NAV3: variants seen among roughly 807,000 people sequenced by gnomAD.
NAV3 encodes pore membrane and/or filament interacting like protein 1.
Under a neutral mutation model 244.7 loss-of-function variants are expected in NAV3, and 87 were observed. The ratio of observed to expected loss-of-function variants is 0.36; its 90% confidence interval spans 0.30 to 0.42. The LOEUF (loss-of-function observed/expected upper bound fraction) is 0.42. NAV3 is among the 20% of genes least tolerant of loss of function. The pLI, the probability that NAV3 is intolerant of heterozygous loss-of-function variation, is 1.00. For missense variants in NAV3, 2,663 were observed against 2,893.3 expected (o/e 0.92, Z 1.83); for synonymous variants, 1,126 against 1,042.2 (o/e 1.08, Z -1.55).
chr12:77,980,236 A>G (rs1869320521), intron 5 of NAV3, among the ~76,000 whole-genome samples: 1 of 152,162 alleles, frequency 6.6e-6, no homozygotes, highest in South Asian at 2.1e-4. Flanking sequence ...GGAGGGGTCA[A>G]TTTCTATGTT....
intron 2 of NAV3, among the ~76,000 whole-genome samples, chr12:77,667,803 G>A (rs1389282039): frequency 6.6e-6 from 1 of 152,132 alleles, no homozygotes; most frequent in Non-Finnish European, 1.5e-5. Context: ...CACAGCTGAT[G>A]CACTCTTGAA....
chr12:77,613,011 T>G (rs1377131308), intron 2 of NAV3, among the ~76,000 whole-genome samples: 1 of 152,144 alleles, frequency 6.6e-6, no homozygotes, highest in Non-Finnish European at 1.5e-5. Flanking sequence ...CCGCCGTGAT[T>G]GTAAGTTTCC....
intron 2 of NAV3, among the ~76,000 whole-genome samples, chr12:77,719,776 C>A (rs1876528639): frequency 6.6e-6 from 1 of 152,038 alleles, no homozygotes; most frequent in Admixed American, 6.6e-5. Flanking sequence ...ATGTCTTTGT[C>A]TAGCCTTGGT....
At chr12:77,890,141 A>G (rs1465655533) in intron 1 of NAV3, among the ~76,000 whole-genome samples, 1 of 152,216 alleles carries the variant, frequency 6.6e-6, no homozygotes, top group Admixed American at 6.5e-5. Context: ...ATTCAAATTG[A>G]ATCAAGTCTC....
At chr12:77,898,242 C>T (rs1331574645) in intron 1 of NAV3, among the ~76,000 whole-genome samples, 3 of 152,110 alleles carry the variant, frequency 2.0e-5, no homozygotes, top group Non-Finnish European at 2.9e-5. Context: ...CATTTCATTT[C>T]GTTTTAAATA....
intron 2 of NAV3, among the ~76,000 whole-genome samples, chr12:77,607,264 T>C (rs1213021258): frequency 6.6e-6 from 1 of 152,068 alleles, no homozygotes; most frequent in Non-Finnish European, 1.5e-5. Context: ...ATGGGCAGTT[T>C]TATCTACGCT....
intron 1 of NAV3, among the ~76,000 whole-genome samples, chr12:77,912,903 C>T (rs1415522646): frequency 1.3e-5 from 2 of 152,024 alleles, no homozygotes; most frequent in Admixed American, 6.6e-5. Context: ...TGAGCCATGC[C>T]GTTTTACATG....
chr12:77,825,697 C>G (rs148367619), intron 2 of NAV3, among the ~76,000 whole-genome samples: 64 of 152,202 alleles, frequency 4.2e-4, no homozygotes, highest in African/African-American at 1.5e-3. Flanking sequence ...CCCCCACTCA[C>G]AAGACTGCAA....
intron 2 of NAV3, among the ~76,000 whole-genome samples, chr12:77,803,795 T>G (rs553572389): frequency 6.6e-6 from 1 of 152,232 alleles, no homozygotes; most frequent in Non-Finnish European, 1.5e-5. Context: ...ATCTGTTGTT[T>G]CCTGACTTTT....
Position 77,994,885 on chromosome 12 carries a change from C to G in NAV3, c.740+14C>G, listed in dbSNP as rs1341047923. On this transcript the variant is annotated intron_variant, in intron 6 of 39. Coordinates refer to ENST00000397909, the MANE Select transcript of NAV3 (RefSeq NM_001024383.2). ...AAAGCCTACTAGGTCAGTTAATATT[C>G]TCTAATTTATTGCTTATTAGTGATA... is the stretch of plus-strand genomic sequence containing the variant. 6.4e-7 allele frequency: 1 copy of G among 1,573,426 alleles called. No homozygotes were observed. The highest frequency in any genetic ancestry group is 8.7e-7 in the Non-Finnish European group (1 of 1,147,794).
At position 78,050,880 on chromosome 12, in the gene NAV3, G is replaced by A. The variant is rs772277113; in HGVS notation, c.2249G>A (p.Arg750Gln). The A allele has an allele frequency of 9.9e-6, 16 of 1,614,016 alleles. No individual in the cohort carries two copies. Among genetic ancestry groups the A allele is most frequent in the African/African-American group, 4.0e-5 (3 of 74,936 alleles). Reference protein sequence around the residue: ...MTWRLGQACPRLQAGDAPSLG... With the variant: ...MTWRLGQACPQLQAGDAPSLG... The stretch of plus-strand genomic sequence containing the variant: ...TGGAGGTTGGGCCAGGCATGTCCGC[G>A]ACTTCAGGCGGGAGATGCTCCCTCC... The change falls in exon 11 of 40, where the codon CGA becomes CAA. Residue 750 changes from arginine (R) to glutamine (Q), a missense_variant. By Grantham distance (43) the Arg-to-Gln change is conservative. This residue lies in a region of NAV3 where 1,521 missense variants were observed against 1,497.0 expected (regional missense o/e 1.02). Transcript: ENST00000397909.
Position 78,188,656 on chromosome 12 carries a change from T to G in NAV3, c.5934T>G (p.Ser1978=). 6.2e-7 allele frequency: 1 copy of G among 1,612,274 alleles called. No individual in the cohort carries two copies. Among genetic ancestry groups the G allele is most frequent in the South Asian group, 1.1e-5 (1 of 91,002 alleles). ...IDTSTSLGLS[S]DCIASYCIGD... The stretch of plus-strand genomic sequence containing the variant: ...CATCCACTAGCCTTGGTCTGAGCTC[T>G]GACTGCATTGCTAGCTACTGTATAG... Residue 1978 remains serine (S), a synonymous_variant, in exon 33 of 40, where the codon TCT becomes TCG. Coordinates refer to ENST00000397909, the MANE Select transcript of NAV3 (RefSeq NM_001024383.2).
At chr12:77,876,383 A>T (rs2136533273) in intron 1 of NAV3, among the ~76,000 whole-genome samples, 1 of 152,206 alleles carries the variant, frequency 6.6e-6, no homozygotes, top group South Asian at 2.1e-4. Flanking sequence ...AGTAGGAGGA[A>T]CAAGGATAAT....
intron 2 of NAV3, among the ~76,000 whole-genome samples, chr12:77,661,207 G>A (rs1395986597): frequency 6.6e-6 from 1 of 152,118 alleles, no homozygotes. Context: ...CGCCAGCCAT[G>A]TCTGAGAGTT....
chr12:77,625,874 C>A (rs1489382913), intron 2 of NAV3, among the ~76,000 whole-genome samples: 2 of 151,970 alleles, frequency 1.3e-5, no homozygotes, highest in East Asian at 3.9e-4. Context: ...AACATAAGGA[C>A]ACAAGAAACA....
chr12:78,188,531 T>C (rs1382842933), intron 32 of NAV3, 78 bp from the exon 33 acceptor site: 1 of 1,402,376 alleles, frequency 7.1e-7, no homozygotes, highest in African/African-American at 1.4e-5. Context: ...ACTAGCTCTA[T>C]ATCCCTGTGA....
At chr12:77,968,902 G>A (rs970410186) in intron 5 of NAV3, among the ~76,000 whole-genome samples, 200 bp downstream of exon 5, 1 of 152,112 alleles carries the variant, frequency 6.6e-6, no homozygotes, top group African/African-American at 2.4e-5. Flanking sequence ...TTTGGGTGAC[G>A]TATTTTGTTT....
At chr12:78,071,651 T>C (rs1385757727) in intron 12 of NAV3, among the ~76,000 whole-genome samples, 1 of 152,112 alleles carries the variant, frequency 6.6e-6, no homozygotes, top group African/African-American at 2.4e-5. Flanking sequence ...GATTTTTGTA[T>C]AAGGTGTAAG....
At chr12:78,038,914 G>A (rs1880380008) in intron 9 of NAV3, among the ~76,000 whole-genome samples, 1 of 152,130 alleles carries the variant, frequency 6.6e-6, no homozygotes, top group Non-Finnish European at 1.5e-5. Context: ...TGCTGTGGGT[G>A]GGTGTATATA....
Sources: allele counts gnomAD v4.1 joint callset (sites outside exome capture counted in the v4.1 genomes callset), GRCh38; gene constraint gnomAD v4.1.1; regional missense constraint gnomAD v4.1.1; transcripts MANE v1.5; gene names NCBI Gene and HGNC (gene_info 2026-07-23, HGNC 2026-07-21).